The following DPP6 variants were observed in gnomAD, a reference collection of about 807,000 sequenced individuals.
DPP6 encodes dipeptidyl peptidase like 6.
A neutral mutation model predicts 122.6 loss-of-function variants in DPP6; 69 were observed. The observed-to-expected ratio is 0.56, with a 90% CI of 0.46 to 0.69. DPP6 has a LOEUF of 0.69. Among genes scored for constraint, DPP6 ranks in the 30% least tolerant of loss-of-function variants. The pLI is 0.00. For synonymous variants in DPP6, 418 were observed against 433.1 expected (o/e 0.97, Z 0.43); for missense variants, 928 against 1,116.9 (o/e 0.83, Z 2.41).
intron 9 of DPP6, among the ~76,000 whole-genome samples, chr7:154,770,441 T>TG (rs1458289992): frequency 2.0e-5 from 3 of 152,048 alleles, no homozygotes; most frequent in Non-Finnish European, 4.4e-5. Flanking sequence ...GAGATTTGGG[T>TG]GGGGACACAG....
At chr7:154,390,250 G>A (rs1483668899) in intron 1 of DPP6, among the ~76,000 whole-genome samples, 2 of 152,174 alleles carry the variant, frequency 1.3e-5, no homozygotes, top group Admixed American at 6.6e-5. Flanking sequence ...AGTAAGACAG[G>A]TTCAGTATTC....
At chr7:153,894,238 T>G (rs553596194) in intron 1 of DPP6, among the ~76,000 whole-genome samples, 1 of 152,192 alleles carries the variant, frequency 6.6e-6, no homozygotes, top group African/African-American at 2.4e-5. Context: ...GTAAATACAT[T>G]TAGTCCAGAT....
intron 1 of DPP6, among the ~76,000 whole-genome samples, chr7:153,923,961 C>T (rs1800768471): frequency 6.6e-6 from 1 of 151,980 alleles, no homozygotes; most frequent in South Asian, 2.1e-4. Context: ...GTTTAAATAT[C>T]ACCAGGCACA....
the DPP6 span, among the ~76,000 whole-genome samples, chr7:153,767,632 G>T: frequency 2.0e-5 from 3 of 150,834 alleles, no homozygotes; most frequent in African/African-American, 7.3e-5. Context: ...ACCCTCCTCA[G>T]CCTCCCAAAG....
chr7:154,875,251 GC>G lies in DPP6; in HGVS notation c.1884-651del, dbSNP rs1584953974. On this transcript the variant is annotated intron_variant, in intron 19 of 25. Transcript: ENST00000377770. The surrounding 1 kb of genome is among the most constrained non-coding windows in gnomAD (Gnocchi z 4.5). ...ACTGGTCGAATCCCATGGTCCAAAT[GC>G]CCCACCATGGATGCCTTTCAGCCAG... Among the ~76,000 whole-genome samples, 1 of 152,198 alleles carries G rather than the reference GC, an allele frequency of 6.6e-6. No individual in the cohort carries two copies. The highest frequency in any genetic ancestry group is 1.5e-5 in the Non-Finnish European group (1 of 68,040).
chr7:154,831,830 A>G (rs1464910), intron 16 of DPP6, among the ~76,000 whole-genome samples: 122,651 of 152,178 alleles, frequency 0.81, 49,679 homozygotes, highest in East Asian at 0.99. Context: ...TATTGTCAGA[A>G]AGTTCCTCTC....
intron 15 of DPP6, 55 bp from the exon 16 acceptor site, chr7:154,806,939 G>T: frequency 6.3e-7 from 1 of 1,594,452 alleles, no homozygotes; most frequent in Non-Finnish European, 8.6e-7. Context: ...GGCACCCAGC[G>T]TGGAGGGCAG....
chr7:154,117,458 C>T (rs1331283218), intron 1 of DPP6, among the ~76,000 whole-genome samples: 1 of 152,136 alleles, frequency 6.6e-6, no homozygotes, highest in Non-Finnish European at 1.5e-5. Context: ...ACGTTTTGGA[C>T]TAGAGTAGCA....
intron 16 of DPP6, among the ~76,000 whole-genome samples, chr7:154,808,261 C>T (rs1008576057): frequency 6.6e-6 from 1 of 152,206 alleles, no homozygotes; most frequent in Non-Finnish European, 1.5e-5. Context: ...TTCATGACTT[C>T]GTTCTCTTTT....
At chr7:154,260,173 C>G (rs765597830) in intron 1 of DPP6, among the ~76,000 whole-genome samples, 1 of 151,990 alleles carries the variant, frequency 6.6e-6, no homozygotes, top group Non-Finnish European at 1.5e-5. Flanking sequence ...GGGGTGGGAG[C>G]GGTAGGAGAG....
At chr7:154,518,168 A>T (rs752748572) in intron 3 of DPP6, among the ~76,000 whole-genome samples, 22 of 152,238 alleles carry the variant, frequency 1.4e-4, no homozygotes, top group Non-Finnish European at 2.6e-4. Context: ...ACCCGTAAAG[A>T]TTAGCTGAGT....
In DPP6 at chr7:154,574,813, ATGTGTT is replaced by A. The variant is rs1165897178; in HGVS notation, c.627+7903_627+7908del. 4.5e-3 allele frequency among the ~76,000 whole-genome samples: 211 copies of A among 47,104 alleles called. 1 individual carries two copies. The highest frequency in any genetic ancestry group is 0.018 in the African/African-American group (202 of 11,130). The allele number at this position is 47,104 out of a possible 152,430, so 30.9% of individuals were successfully genotyped here. On this transcript the variant is annotated intron_variant, in intron 5 of 25. Transcript: ENST00000377770. ...TGTGTGGTGTGTGTTTGTGTGTGTGATGTGTTTGTGTGGTGTGTGGGGTGTACGTGT... is the reference window on the plus strand; with the variant it reads ...TGTGTGGTGTGTGTTTGTGTGTGTGATGTGTGGTGTGTGGGGTGTACGTGT...
chr7:153,825,546 T>TTTTTG, the DPP6 span, among the ~76,000 whole-genome samples: 4 of 82,016 alleles, frequency 4.9e-5, no homozygotes, highest in Non-Finnish European at 7.3e-5. Context: ...CTTGCCCATT[T>TTTTTG]TTTTCTTTTG....
chr7:153,810,655 C>CCTCTCCTCTCT, the DPP6 span, among the ~76,000 whole-genome samples: 1 of 61,234 alleles, frequency 1.6e-5, no homozygotes, highest in Non-Finnish European at 4.0e-5. Context: ...CAAATCGCTC[C>CCTCTCCTCTCT]CTCTCCTCTC....
At chr7:153,951,607 C>G (rs1338956013) in intron 1 of DPP6, among the ~76,000 whole-genome samples, 2 of 152,182 alleles carry the variant, frequency 1.3e-5, no homozygotes, top group Non-Finnish European at 2.9e-5. Context: ...AACTGATCAG[C>G]CTTGCTGTCC....
chr7:154,873,016 C>T (rs1229412070), intron 19 of DPP6, among the ~76,000 whole-genome samples: 1 of 152,218 alleles, frequency 6.6e-6, no homozygotes, highest in Non-Finnish European at 1.5e-5. Context: ...GGACAGGTCC[C>T]AAGACACAGA....
the DPP6 span, among the ~76,000 whole-genome samples, chr7:153,841,008 C>T: frequency 1.6e-4 from 24 of 152,164 alleles, no homozygotes; most frequent in Admixed American, 1.6e-3. Context: ...CAATTAAAAG[C>T]TCCTTCCTGT....
At chr7:154,512,380 A>T (rs1826159766) in intron 3 of DPP6, among the ~76,000 whole-genome samples, 3 of 152,238 alleles carry the variant, frequency 2.0e-5, no homozygotes, top group South Asian at 4.1e-4. Context: ...ATTTTTCATG[A>T]CAGTATCATT....
intron 1 of DPP6, among the ~76,000 whole-genome samples, chr7:154,314,190 G>A (rs1219721258): frequency 6.6e-6 from 1 of 152,130 alleles, no homozygotes; most frequent in African/African-American, 2.4e-5. Flanking sequence ...TGCTAGCTGA[G>A]GGATATTGGA....
Sources: gnomAD v4.1 joint callset for allele counts (sites outside exome capture counted in the v4.1 genomes callset) on GRCh38, gnomAD v4.1.1 for gene constraint, Gnocchi (gnomAD v3.1) non-coding constraint, MANE v1.5 for transcripts, NCBI Gene and HGNC (gene_info 2026-07-23, HGNC 2026-07-21) for gene names.